The following ST14 variants were observed in gnomAD, a reference collection of about 807,000 sequenced individuals.
The protein encoded by ST14 is suppressor of tumorigenicity 14 protein.
ST14 carries 40 observed loss-of-function variants against 96.5 expected under a neutral mutation model. The ratio of observed to expected loss-of-function variants is 0.41; its 90% confidence interval spans 0.32 to 0.54. ST14 has a LOEUF of 0.54. Ranked by LOEUF, ST14 falls within the 20% of genes least tolerant of loss-of-function variation. The probability of loss-of-function intolerance (pLI) is 0.17; values close to 1 mark genes in which losing one functional copy is unlikely to be tolerated. For synonymous variants in ST14, 506 were observed against 492.1 expected (o/e 1.03, Z -0.37); for missense variants, 1,066 against 1,188.9 (o/e 0.90, Z 1.52).
Position 130,188,728 on chromosome 11 carries a change from A to G in ST14, c.369+71A>G. On this transcript the variant is annotated intron_variant, in intron 3 of 18. Transcript: ENST00000278742. This position sits in a 1 kb window ranked among gnomAD's most constrained non-coding sequence, Gnocchi z 5.4. Reference sequence around the variant, plus strand: ...GTCCCACCTGCTGGGCAGGAGGGACATGCCTCGCCTGTGCTCCCAGGGCCC... The same window carrying G: ...GTCCCACCTGCTGGGCAGGAGGGACGTGCCTCGCCTGTGCTCCCAGGGCCC... The G allele has an allele frequency of 7.4e-6, 12 of 1,612,652 alleles. No homozygotes were observed. The highest frequency in any genetic ancestry group is 1.3e-5 in the African/African-American group (1 of 75,018).
chr11:130,204,828 G>A (rs532807046), intron 16 of ST14, among the ~76,000 whole-genome samples: 1 of 151,896 alleles, frequency 6.6e-6, no homozygotes, highest in South Asian at 2.1e-4. Flanking sequence ...AAAAAGAAAG[G>A]CCAGAAGGTG....
intron 7 of ST14, 89 bp from the exon 8 acceptor site, chr11:130,194,060 C>T (rs1260311414): frequency 1.9e-6 from 3 of 1,585,454 alleles, no homozygotes; most frequent in Non-Finnish European, 2.6e-6. Context: ...GTGGGGTCCT[C>T]AGGCACCTCT....
At position 130,159,884 on chromosome 11, in the gene ST14, C is replaced by T; in HGVS notation, c.-96C>T. The stretch of plus-strand genomic sequence containing the variant: ...GGCGCGCTGGGCCTGCCCGGAATCC[C>T]GCCGCCTGCGCCCCGCGCCCCGCGC... On this transcript the variant is annotated 5_prime_UTR_variant, in exon 1 of 19. Transcript: ENST00000278742. The T allele has an allele frequency of 1.4e-6, 1 of 712,712 alleles. No individual in the cohort carries two copies. The highest frequency in any genetic ancestry group is 1.9e-6 in the Non-Finnish European group (1 of 530,876). 44.1% of individuals were successfully genotyped at this position (712,712 alleles called of 1,614,324 possible).
chr11:130,208,380 G>A, intron 16 of ST14, 30 bp from the exon 17 acceptor site: 1 of 1,613,692 alleles, frequency 6.2e-7, no homozygotes, highest in South Asian at 1.1e-5. Context: ...CCGAGTGACC[G>A]CGCAGTCTCA....
chr11:130,188,564 C>T lies in ST14; in HGVS notation c.276C>T (p.Gly92=), dbSNP rs1411073779. The T allele has an allele frequency of 1.2e-6, 2 of 1,614,136 alleles. No homozygotes were observed. The highest frequency in any genetic ancestry group is 1.3e-5 in the African/African-American group (1 of 74,954). The part of the protein sequence containing the change: ...RDVRVQKVFN[G]YMRITNENFV... ...TGCGTGTCCAGAAGGTCTTCAATGG[C>T]TACATGAGGATCACAAATGAGAATT... The change falls in exon 3 of 19, where the codon GGC becomes GGT. Residue 92 remains glycine, a synonymous_variant. Transcript: ENST00000278742. This position sits in a 1 kb window ranked among gnomAD's most constrained non-coding sequence, Gnocchi z 5.4.
intron 1 of ST14, among the ~76,000 whole-genome samples, chr11:130,169,398 A>G (rs192027357): frequency 1.3e-5 from 2 of 152,218 alleles, no homozygotes; most frequent in Non-Finnish European, 2.9e-5. Context: ...CCTGGCCTAT[A>G]TAACATAATT....
chr11:130,196,550 G>T lies in ST14; in HGVS notation c.1224-20G>T, dbSNP rs1369735112. The T allele has an allele frequency of 1.3e-6, 2 of 1,496,084 alleles. No homozygotes were observed. The highest frequency in any genetic ancestry group is 1.8e-6 in the Non-Finnish European group (2 of 1,108,686). The allele number at this position is 1,496,084 out of a possible 1,614,324, so 92.7% of individuals were successfully genotyped here. Reference sequence around the variant, plus strand: ...GCTCCCAGCTGTCCCTCCTCACCTTGTGCCCCGCCCCCCCTCCAGATACTG... The same window carrying T: ...GCTCCCAGCTGTCCCTCCTCACCTTTTGCCCCGCCCCCCCTCCAGATACTG... On this transcript the variant is annotated intron_variant, in intron 10 of 18. Coordinates refer to ENST00000278742, the MANE Select transcript of ST14 (RefSeq NM_021978.4).
intron 5 of ST14, 106 bp downstream of exon 5, chr11:130,190,002 C>G (rs1249171012): frequency 6.2e-7 from 1 of 1,610,094 alleles, no homozygotes; most frequent in Non-Finnish European, 8.5e-7. Context: ...GCCCAGTGCC[C>G]CAGAGAGAAG....
At chr11:130,162,369 C>T (rs1036721368) in intron 1 of ST14, among the ~76,000 whole-genome samples, 1 of 152,186 alleles carries the variant, frequency 6.6e-6, no homozygotes, top group Non-Finnish European at 1.5e-5. Flanking sequence ...AGGGAGCCTG[C>T]CTCCCTGAGG....
rs767694949 is a variant in ST14, at chr11:130,198,600, G to A, written c.1663G>A (p.Asp555Asn). The change falls in exon 14 of 19, where the codon GAC becomes AAC. Residue 555 changes from aspartate to asparagine, a missense_variant. By Grantham distance (23) the Asp-to-Asn change is conservative. Transcript: ENST00000278742. ...GAAGGACGACTGTGGGGACGGGTCC[G>A]ACGAGGCCTCCTGCCCCAAGGGTGA... ...NGKDDCGDGSDEASCPKVNVV... is the reference protein window; with the variant it reads ...NGKDDCGDGSNEASCPKVNVV... 2.5e-6 allele frequency: 4 copies of A among 1,613,882 alleles called. No homozygotes were observed. The highest frequency in any genetic ancestry group is 1.1e-5 in the South Asian group (1 of 91,078).
chr11:130,188,435 G>A lies in ST14; in HGVS notation c.242-95G>A. On this transcript the variant is annotated intron_variant, in intron 2 of 18. Coordinates refer to ENST00000278742, the MANE Select transcript of ST14 (RefSeq NM_021978.4). The surrounding 1 kb of genome is among the most constrained non-coding windows in gnomAD (Gnocchi z 5.4). ...GGGAAGCAGTCAGGGCTGACCCATGGCCCCCTCCTGGCATTCATTCCCCAT... is the reference window on the plus strand; with the variant it reads ...GGGAAGCAGTCAGGGCTGACCCATGACCCCCTCCTGGCATTCATTCCCCAT... 6.2e-7 allele frequency: 1 copy of A among 1,603,430 alleles called. No homozygotes were observed. Among genetic ancestry groups the A allele is most frequent in the Non-Finnish European group, 8.5e-7 (1 of 1,175,608 alleles).
chr11:130,199,149 A>G (rs1331065288), intron 15 of ST14, 80 bp downstream of exon 15: 1 of 1,417,152 alleles, frequency 7.1e-7, no homozygotes. Context: ...TGGAGGTGCA[A>G]TCCCGCCAGC....
chr11:130,168,492 G>A (rs1189986166), intron 1 of ST14, among the ~76,000 whole-genome samples: 7 of 152,210 alleles, frequency 4.6e-5, no homozygotes, highest in Admixed American at 3.9e-4. Context: ...TGGTTCTGTT[G>A]CAGTGCTAAT....
intron 16 of ST14, among the ~76,000 whole-genome samples, chr11:130,206,338 T>C (rs1953487961): frequency 6.6e-6 from 1 of 152,120 alleles, no homozygotes; most frequent in Admixed American, 6.5e-5. Flanking sequence ...GGTTTCGCCA[T>C]CATAAAGGGG....
At chr11:130,191,083 G>A (rs1301299257) in intron 7 of ST14, among the ~76,000 whole-genome samples, 1 of 152,268 alleles carries the variant, frequency 6.6e-6, no homozygotes, top group Non-Finnish European at 1.5e-5. Flanking sequence ...GGGCACGGTA[G>A]CTCATGCCTG....
intron 1 of ST14, among the ~76,000 whole-genome samples, chr11:130,172,555 C>A (rs1044146422): frequency 1.4e-4 from 21 of 151,720 alleles, no homozygotes; most frequent in Non-Finnish European, 2.8e-4. Flanking sequence ...GTAGCTGGGA[C>A]TACAGGTGCC....
chr11:130,166,749 T>C (rs755770), intron 1 of ST14, among the ~76,000 whole-genome samples: 9,817 of 152,188 alleles, frequency 0.065, 1,041 homozygotes, highest in African/African-American at 0.22. Context: ...GAGTTCTGAG[T>C]TGACAGTGAG....
chr11:130,203,974 A>C (rs759339230), intron 16 of ST14, among the ~76,000 whole-genome samples: 1 of 152,124 alleles, frequency 6.6e-6, no homozygotes, highest in African/African-American at 2.4e-5. Flanking sequence ...CTCTTTAAAC[A>C]TGCGGCATTC....
At position 130,189,821 on chromosome 11, in the gene ST14, G is replaced by A. The variant is rs371625974; in HGVS notation, c.523G>A (p.Glu175Lys). The change falls in exon 5 of 19, where the codon GAG becomes AAG. Residue 175 changes from glutamate (E) to lysine (K), a missense_variant. Glu to Lys is a moderately conservative substitution (Grantham distance 56). Coordinates refer to ENST00000278742, the MANE Select transcript of ST14 (RefSeq NM_021978.4). ...GGAGGAGGCCGAGCGCGTCATGGCC[G>A]AGGAGCGCGTAGTCATGCTGCCCCC... Reference protein sequence around the residue: ...LVEEAERVMAEERVVMLPPRA... With the variant: ...LVEEAERVMAKERVVMLPPRA... The A allele has an allele frequency of 4.3e-6, 7 of 1,613,784 alleles. No homozygotes were observed. The highest frequency in any genetic ancestry group is 2.2e-5 in the East Asian group (1 of 44,884).
Sources: gnomAD v4.1 joint callset for allele counts (sites outside exome capture counted in the v4.1 genomes callset) on GRCh38, gnomAD v4.1.1 for gene constraint, Gnocchi (gnomAD v3.1) non-coding constraint, MANE v1.5 for transcripts, NCBI Gene and HGNC (gene_info 2026-07-23, HGNC 2026-07-21) for gene names.